Variants in PRDM2 observed in about 807,000 individuals in gnomAD.
PRDM2 encodes the protein PR/SET domain 2.
A neutral mutation model predicts 130.0 loss-of-function variants in PRDM2; 30 were observed. The observed-to-expected ratio is 0.23, with a 90% confidence interval of 0.17 to 0.31. The LOEUF is 0.31. Among genes scored for constraint, PRDM2 ranks in the 10% least tolerant of loss-of-function variants. PRDM2 has a pLI of 1.00. For synonymous variants in PRDM2, 871 were observed against 782.4 expected (o/e 1.11, Z -1.89); for missense variants, 2,011 against 2,108.4 (o/e 0.95, Z 0.90).
intron 1 of PRDM2, among the ~76,000 whole-genome samples, chr1:13,703,480 C>T (rs922111577): frequency 3.3e-5 from 5 of 152,220 alleles, no homozygotes; most frequent in African/African-American, 1.2e-4. Flanking sequence ...ATGGTTTACA[C>T]CTTGAAGCCA....
At chr1:13,731,919 G>A (rs577771704) in intron 3 of PRDM2, among the ~76,000 whole-genome samples, 1 of 152,102 alleles carries the variant, frequency 6.6e-6, no homozygotes, top group Non-Finnish European at 1.5e-5. Flanking sequence ...AAATGAAAGT[G>A]GTTGATTTTA....
At position 13,816,357 on chromosome 1, in the gene PRDM2, C is replaced by A. The variant is rs896209614; in HGVS notation, c.5037-70C>A. 4.4e-6 allele frequency: 7 copies of A among 1,574,998 alleles called. No homozygotes were observed. The Admixed American group carries it at 6.8e-5, about 15-fold the overall frequency. ...AAGTGGTGACCAGCACTAAGGAAGC[C>A]CCCCCAGCAATGTCTAGGGCACCGG... On this transcript the variant is annotated intron_variant, in intron 8 of 9. Coordinates refer to ENST00000311066, the MANE Select transcript of PRDM2 (RefSeq NM_001393986.1).
rs147714283 is a variant in PRDM2, at chr1:13,780,047, G to A, written c.2252G>A (p.Arg751Gln). Reference protein sequence around the residue: ...PSSPQHSPALRDFGKPSDGKA... With the variant: ...PSSPQHSPALQDFGKPSDGKA... Reference sequence around the variant, plus strand: ...TCTCCACAGCACAGTCCTGCCCTTCGAGACTTTGGAAAGCCAAGTGATGGG... The same window carrying A: ...TCTCCACAGCACAGTCCTGCCCTTCAAGACTTTGGAAAGCCAAGTGATGGG... The change falls in exon 8 of 10, where the codon CGA (arginine) becomes CAA (glutamine). Residue 751 changes from arginine (R) to glutamine (Q), a missense_variant. Coordinates refer to ENST00000311066, the MANE Select transcript of PRDM2 (RefSeq NM_001393986.1). 8 of 1,614,128 alleles carry A rather than the reference G, an allele frequency of 5.0e-6. No individual in the cohort carries two copies. Among genetic ancestry groups the A allele is most frequent in the Admixed American group, 1.7e-5 (1 of 60,028 alleles).
chr1:13,782,921 T>C, intron 8 of PRDM2, 90 bp downstream of exon 8: 1 of 1,577,438 alleles, frequency 6.3e-7, no homozygotes, highest in Non-Finnish European at 8.5e-7. Flanking sequence ...TGCTTTTTTT[T>C]TTTTTTTTCC....
At chr1:13,783,097 G>C (rs1390037896) in intron 8 of PRDM2, 2 of 738,328 alleles carry the variant, frequency 2.7e-6, no homozygotes, top group Admixed American at 2.8e-5. Context: ...CTATAGAAAA[G>C]CTCTCAAAAG....
chr1:13,780,913 C>G lies in PRDM2; in HGVS notation c.3118C>G (p.Leu1040Val), dbSNP rs1644597560. ...SPSPIPPVEP[L>V]MSAASPGPPT... Reference sequence around the variant, plus strand: ...CTCTCCCATTCCTCCCGTGGAGCCCCTGATGTCTGCCGCCTCACCCGGGCC... The same window carrying G: ...CTCTCCCATTCCTCCCGTGGAGCCCGTGATGTCTGCCGCCTCACCCGGGCC... Residue 1040 changes from leucine (L) to valine (V), a missense_variant, in exon 8 of 10, where the codon CTG (leucine) becomes GTG (valine). Around this residue, in one of 5 missense-constraint regions of PRDM2, gnomAD observed 1,288 missense variants for 1,237.7 expected, o/e 1.04. Coordinates refer to ENST00000311066, the MANE Select transcript of PRDM2 (RefSeq NM_001393986.1). 26 of 1,613,334 alleles carry G rather than the reference C, an allele frequency of 1.6e-5. No individual in the cohort carries two copies. Among genetic ancestry groups the G allele is most frequent in the Non-Finnish European group, 2.0e-5 (24 of 1,179,544 alleles).
At chr1:13,769,083 A>T in intron 6 of PRDM2, 2 of 955,962 alleles carry the variant, frequency 2.1e-6, no homozygotes, top group Non-Finnish European at 2.5e-6. Context: ...TTTCCATTTC[A>T]CTTCCCTTGT....
At chr1:13,788,024 G>C in intron 8 of PRDM2, 1 of 982,082 alleles carries the variant, frequency 1.0e-6, no homozygotes. Context: ...ATAACTAGAG[G>C]AGAATTTAAA....
intron 7 of PRDM2, among the ~76,000 whole-genome samples, chr1:13,774,906 T>G (rs1249155451): frequency 6.7e-6 from 1 of 149,982 alleles, no homozygotes. Flanking sequence ...AGGCGGAGCT[T>G]GCAGTGAGCC....
intron 8 of PRDM2, among the ~76,000 whole-genome samples, chr1:13,796,021 C>G (rs182463993): frequency 4.6e-5 from 7 of 152,268 alleles, no homozygotes; most frequent in African/African-American, 1.4e-4. Flanking sequence ...TTCTGGAGTG[C>G]CAGGTATTTG....
At chr1:13,703,595 T>C (rs1032116253) in intron 1 of PRDM2, among the ~76,000 whole-genome samples, 3 of 152,204 alleles carry the variant, frequency 2.0e-5, no homozygotes, top group Non-Finnish European at 2.9e-5. Flanking sequence ...TTTTGTGGCA[T>C]GAGGTAAAAC....
intron 8 of PRDM2, chr1:13,787,170 A>G (rs2100694612): frequency 1.0e-6 from 1 of 984,418 alleles, no homozygotes; most frequent in East Asian, 1.1e-4. Flanking sequence ...TTGTATATCC[A>G]AATGGACGTT....
chr1:13,778,801 G>C lies in PRDM2; in HGVS notation c.1006G>C (p.Glu336Gln). The change falls in exon 8 of 10, where the codon GAG becomes CAG. Residue 336 changes from glutamate (E) to glutamine (Q), a missense_variant. Glu to Gln is a conservative substitution (Grantham distance 29, BLOSUM62 2). Coordinates refer to ENST00000311066, the MANE Select transcript of PRDM2 (RefSeq NM_001393986.1). Reference protein sequence around the residue: ...TSEETLEDCSEVTPAMQIPRT... With the variant: ...TSEETLEDCSQVTPAMQIPRT... ...AGAAGAAACTCTTGAAGACTGCTCA[G>C]AGGTAACACCTGCCATGCAAATCCC... The C allele has an allele frequency of 6.2e-7, 1 of 1,614,196 alleles. No homozygotes were observed. The highest frequency in any genetic ancestry group is 8.5e-7 in the Non-Finnish European group (1 of 1,180,044).
chr1:13,715,702 C>G, intron 2 of PRDM2, 88 bp downstream of exon 2: 1 of 1,183,084 alleles, frequency 8.5e-7, no homozygotes, highest in East Asian at 2.5e-5. Flanking sequence ...CACACACATT[C>G]ATTTCTCCTG....
chr1:13,743,350 A>T (rs970110495), intron 5 of PRDM2, among the ~76,000 whole-genome samples: 19 of 149,570 alleles, frequency 1.3e-4, no homozygotes, highest in African/African-American at 4.4e-4. Flanking sequence ...CAGTGAGCCA[A>T]GATCACACCA....
intron 8 of PRDM2, among the ~76,000 whole-genome samples, chr1:13,815,161 C>G (rs1396956815): frequency 6.6e-6 from 1 of 152,128 alleles, no homozygotes; most frequent in African/African-American, 2.4e-5. Context: ...GGCTGGTGTA[C>G]AATGGAACAA....
At chr1:13,791,048 C>CT (rs1285756948) in intron 8 of PRDM2, among the ~76,000 whole-genome samples, 2 of 151,774 alleles carry the variant, frequency 1.3e-5, no homozygotes, top group Admixed American at 6.6e-5. Context: ...GCACACAACT[C>CT]TAAGGTGGCA....
At chr1:13,792,487 C>G (rs1237086273) in intron 8 of PRDM2, among the ~76,000 whole-genome samples, 1 of 152,182 alleles carries the variant, frequency 6.6e-6, no homozygotes, top group Non-Finnish European at 1.5e-5. Flanking sequence ...CGGTAACATT[C>G]TCTTCTCACT....
chr1:13,770,653 TTTTAA>T (rs1370442887), intron 6 of PRDM2, among the ~76,000 whole-genome samples: 1 of 152,194 alleles, frequency 6.6e-6, no homozygotes, highest in East Asian at 1.9e-4. Flanking sequence ...CACCTCTCCA[TTTTAA>T]TTTATTTTAA....
Sources: gnomAD v4.1 joint callset for allele counts (sites outside exome capture counted in the v4.1 genomes callset) on GRCh38, gnomAD v4.1.1 for gene constraint, gnomAD v4.1.1 regional missense constraint, MANE v1.5 for transcripts, NCBI Gene and HGNC (gene_info 2026-07-23, HGNC 2026-07-21) for gene names.